LINGO2: variants seen among roughly 807,000 people sequenced by gnomAD.
LINGO2 encodes the protein leucine rich repeat and Ig domain containing 2.
LINGO2 carries 14 observed loss-of-function variants against 30.6 expected under a neutral mutation model. The observed-to-expected ratio is 0.46, with a 90% confidence interval of 0.30 to 0.72. The LOEUF is 0.72. Ranked by LOEUF, LINGO2 falls within the 30% of genes least tolerant of loss-of-function variation. The probability of loss-of-function intolerance (pLI) is 0.07; values close to 1 mark genes in which losing one functional copy is unlikely to be tolerated. For missense variants in LINGO2, 729 were observed against 751.7 expected (o/e 0.97, Z 0.35); for synonymous variants, 317 against 288.5 (o/e 1.10, Z -1.00).
At chr9:28,008,125 G>A (rs1183971112) in intron 5 of LINGO2, among the ~76,000 whole-genome samples, 1 of 152,148 alleles carries the variant, frequency 6.6e-6, no homozygotes, top group Non-Finnish European at 1.5e-5. Context: ...CTCAGGAGAG[G>A]TCTGCAAAGG....
the LINGO2 span, among the ~76,000 whole-genome samples, chr9:29,191,472 T>G: frequency 2.0e-5 from 3 of 148,826 alleles, no homozygotes; most frequent in Admixed American, 6.7e-5. Context: ...TTTGTTTCTG[T>G]TTTTTTTTGG....
intron 4 of LINGO2, among the ~76,000 whole-genome samples, chr9:28,243,415 G>A (rs1440720732): frequency 4.6e-5 from 7 of 150,852 alleles, no homozygotes; most frequent in Middle Eastern, 3.4e-3. Context: ...AGCCAAGATC[G>A]TGCTACTGCC....
At chr9:28,276,875 A>G (rs1823132915) in intron 4 of LINGO2, among the ~76,000 whole-genome samples, 1 of 152,176 alleles carries the variant, frequency 6.6e-6, no homozygotes, top group African/African-American at 2.4e-5. Context: ...ATTAATATTA[A>G]AGAGTTTTAT....
chr9:28,787,807 C>A, the LINGO2 span, among the ~76,000 whole-genome samples: 1 of 152,052 alleles, frequency 6.6e-6, no homozygotes. Context: ...AAATATAACT[C>A]AATAAAAATA....
the LINGO2 span, among the ~76,000 whole-genome samples, chr9:29,153,530 A>G: frequency 2.6e-5 from 4 of 152,336 alleles, no homozygotes; most frequent in East Asian, 7.7e-4. Flanking sequence ...TTTTGGAAAT[A>G]CATGCCCTTG....
At chr9:27,978,521 C>T (rs1294635212) in intron 5 of LINGO2, among the ~76,000 whole-genome samples, 1 of 151,976 alleles carries the variant, frequency 6.6e-6, no homozygotes, top group Non-Finnish European at 1.5e-5. Flanking sequence ...CACCCCTTTC[C>T]ACCATGTGAG....
At chr9:28,351,429 G>C (rs1033139220) in intron 3 of LINGO2, among the ~76,000 whole-genome samples, 1 of 151,062 alleles carries the variant, frequency 6.6e-6, no homozygotes, top group South Asian at 2.1e-4. Context: ...CGACACATAC[G>C]CTCTCCCAAG....
chr9:28,418,851 C>T (rs1823075864), intron 2 of LINGO2, among the ~76,000 whole-genome samples: 1 of 151,828 alleles, frequency 6.6e-6, no homozygotes, highest in Non-Finnish European at 1.5e-5. Flanking sequence ...TTTGAGGTAG[C>T]CTTTATATCA....
At chr9:28,812,793 C>T in the LINGO2 span, among the ~76,000 whole-genome samples, 5 of 152,114 alleles carry the variant, frequency 3.3e-5, 1 homozygote, top group South Asian at 1.0e-3. Flanking sequence ...AGCTGAGATC[C>T]CAACTCTGTT....
intron 4 of LINGO2, among the ~76,000 whole-genome samples, chr9:28,225,974 A>T (rs1479169939): frequency 6.6e-6 from 1 of 152,160 alleles, no homozygotes; most frequent in African/African-American, 2.4e-5. Flanking sequence ...TCACTCTGAA[A>T]ATTGATGCTA....
At chr9:28,579,198 C>A (rs1824140885) in intron 1 of LINGO2, among the ~76,000 whole-genome samples, 1 of 152,018 alleles carries the variant, frequency 6.6e-6, no homozygotes, top group African/African-American at 2.4e-5. Flanking sequence ...TGAGAATTAG[C>A]ATCATCAATT....
At chr9:28,539,991 C>G (rs1821603697) in intron 1 of LINGO2, among the ~76,000 whole-genome samples, 1 of 152,120 alleles carries the variant, frequency 6.6e-6, no homozygotes, top group African/African-American at 2.4e-5. Context: ...CTATCTGTTT[C>G]TCTAGTGATG....
chr9:28,514,621 A>C (rs934654548), intron 1 of LINGO2, among the ~76,000 whole-genome samples: 1 of 152,344 alleles, frequency 6.6e-6, no homozygotes, highest in Admixed American at 6.5e-5. Flanking sequence ...AAGAAGCTGC[A>C]TAAGAAAAAT....
At chr9:28,552,010 AT>A (rs1822311926) in intron 1 of LINGO2, among the ~76,000 whole-genome samples, 1 of 151,956 alleles carries the variant, frequency 6.6e-6, no homozygotes, top group Non-Finnish European at 1.5e-5. Flanking sequence ...CGATTTTTAA[AT>A]TGTGTGGTTT....
the LINGO2 span, among the ~76,000 whole-genome samples, chr9:28,702,062 G>A: frequency 2.0e-5 from 3 of 151,736 alleles, no homozygotes; most frequent in East Asian, 3.9e-4. Context: ...CACATCATCT[G>A]CAAAGAAAAA....
the LINGO2 span, among the ~76,000 whole-genome samples, chr9:29,010,105 C>T: frequency 1.3e-5 from 2 of 152,130 alleles, no homozygotes; most frequent in Admixed American, 1.3e-4. Context: ...CAATACCATT[C>T]AGGACACAGG....
chr9:28,350,428 T>A (rs1266167125), intron 3 of LINGO2, among the ~76,000 whole-genome samples: 2 of 149,076 alleles, frequency 1.3e-5, no homozygotes, highest in Non-Finnish European at 3.0e-5. Context: ...GGTAAAGGGA[T>A]CAATTCAACA....
Position 28,572,237 on chromosome 9 carries a change from C to T in LINGO2, c.-364-96212G>A, listed in dbSNP as rs1484521152. ...TATCTAATTAATTCATATTTTATAA[C>T]ACAAATGACTTAACACTATCCTTGG... On this transcript the variant is annotated intron_variant, in intron 1 of 5. Transcript: ENST00000379992. Among the ~76,000 whole-genome samples the T allele has an allele frequency of 3.3e-5, 5 of 152,200 alleles. No individual in the cohort carries two copies. The East Asian group carries it at 7.7e-4, about 24-fold the overall frequency.
At position 28,611,720 on chromosome 9, in the gene LINGO2, T is replaced by G. The variant is rs10968674; in HGVS notation, c.-365+58480A>C. Among the ~76,000 whole-genome samples the G allele has an allele frequency of 1.1e-3, 164 of 152,234 alleles. 2 individuals carry two copies. In the East Asian group the frequency reaches 0.029, roughly 27 times the overall value. On this transcript the variant is annotated intron_variant, in intron 1 of 5. Transcript: ENST00000379992. ...ATGTTGTTACATACAACAGGATTTC[T>G]TTCTTCATAAATAGTATTTCATTGC...
Sources: allele counts gnomAD v4.1 joint callset (sites outside exome capture counted in the v4.1 genomes callset), GRCh38; gene constraint gnomAD v4.1.1; transcripts MANE v1.5; gene names NCBI Gene and HGNC (gene_info 2026-07-23, HGNC 2026-07-21).